AGMO: variants seen among roughly 807,000 people sequenced by gnomAD.
AGMO encodes the protein alkylglycerol monooxygenase.
AGMO carries 75 observed loss-of-function variants against 60.2 expected under a neutral mutation model. The observed-to-expected ratio is 1.25, with a 90% CI of 1.03 to 1.51. The LOEUF (loss-of-function observed/expected upper bound fraction) is 1.51, where lower values mean the gene tolerates loss of function less well. Ranked by LOEUF, AGMO falls within the 40% of genes most tolerant of loss-of-function variation. The pLI, the probability that AGMO is intolerant of heterozygous loss-of-function variation, is 0.00. For synonymous variants in AGMO, 261 were observed against 177.1 expected, an observed-to-expected ratio of 1.47 and a Z score of -3.76; for missense variants, 763 against 525.5, an observed-to-expected ratio of 1.45 and a Z score of -4.42.
chr7:15,222,402 T>G (rs1414732018), intron 12 of AGMO, among the ~76,000 whole-genome samples: 2 of 152,032 alleles, frequency 1.3e-5, no homozygotes, highest in African/African-American at 2.4e-5. Flanking sequence ...AAAATAAAAC[T>G]GATAGAAAAA....
At chr7:15,219,304 A>G (rs982867479) in intron 12 of AGMO, among the ~76,000 whole-genome samples, 1 of 152,180 alleles carries the variant, frequency 6.6e-6, no homozygotes, top group Non-Finnish European at 1.5e-5. Flanking sequence ...ACAATCAAGG[A>G]AAGTGGCAGA....
intron 5 of AGMO, among the ~76,000 whole-genome samples, chr7:15,406,546 C>T (rs1784698624): frequency 1.1e-5 from 1 of 91,428 alleles, no homozygotes; most frequent in African/African-American, 4.2e-5. Context: ...TCAAAAGGCC[C>T]CTTTGTTTGG....
chr7:15,301,667 A>G (rs1192171057), intron 12 of AGMO, among the ~76,000 whole-genome samples: 3 of 152,218 alleles, frequency 2.0e-5, no homozygotes, highest in Admixed American at 2.0e-4. Context: ...CGATACTTTT[A>G]GAGGATAATA....
At chr7:15,475,145 G>C (rs1782560442) in intron 3 of AGMO, among the ~76,000 whole-genome samples, 1 of 152,070 alleles carries the variant, frequency 6.6e-6, no homozygotes, top group Non-Finnish European at 1.5e-5. Context: ...AATTCCTCAA[G>C]GATCTAGAAC....
chr7:15,194,878 C>T, the AGMO span, among the ~76,000 whole-genome samples: 1 of 152,040 alleles, frequency 6.6e-6, no homozygotes, highest in African/African-American at 2.4e-5. Flanking sequence ...CTTTAGGCTC[C>T]GATTGTCTCA....
chr7:15,410,584 AT>A (rs1258550399), intron 5 of AGMO, among the ~76,000 whole-genome samples: 2 of 151,976 alleles, frequency 1.3e-5, no homozygotes, highest in Non-Finnish European at 2.9e-5. Flanking sequence ...CACAAAATGT[AT>A]GTGAATAATC....
chr7:15,197,281 C>T (rs915954314), downstream of AGMO, among the ~76,000 whole-genome samples: 2 of 152,084 alleles, frequency 1.3e-5, no homozygotes, highest in Non-Finnish European at 2.9e-5. Flanking sequence ...TATTACTGTA[C>T]ACTATAATGT....
the AGMO span, among the ~76,000 whole-genome samples, chr7:15,189,909 T>C: frequency 6.6e-6 from 1 of 151,300 alleles, no homozygotes; most frequent in African/African-American, 2.4e-5. Context: ...TATTTCATAA[T>C]AAAGTTAAAA....
Position 15,287,878 on chromosome 7 carries a change from A to T in AGMO, c.1263+77636T>A, listed in dbSNP as rs563889237. ...TTTCTCCAGAATTCTAACCTTTTCAATTACTGGCATTTTGAGTCAATCAAC... is the reference window on the plus strand; with the variant it reads ...TTTCTCCAGAATTCTAACCTTTTCATTTACTGGCATTTTGAGTCAATCAAC... On this transcript the variant is annotated intron_variant, in intron 12 of 12. Transcript: ENST00000342526. 1.4e-3 allele frequency among the ~76,000 whole-genome samples: 211 copies of T among 152,262 alleles called. 1 individual carries two copies. The highest frequency in any genetic ancestry group is 5.0e-3 in the African/African-American group (207 of 41,544).
At chr7:15,304,327 C>A (rs1215846875) in intron 12 of AGMO, among the ~76,000 whole-genome samples, 1 of 152,090 alleles carries the variant, frequency 6.6e-6, no homozygotes, top group Non-Finnish European at 1.5e-5. Flanking sequence ...CTCCACAGAG[C>A]CCCATTATTT....
chr7:15,375,490 G>A (rs571788021), intron 10 of AGMO, among the ~76,000 whole-genome samples: 3 of 146,482 alleles, frequency 2.0e-5, no homozygotes, highest in Non-Finnish European at 4.5e-5. Context: ...TCTAACTCCT[G>A]GGTTCAAGTG....
At chr7:15,252,815 G>C (rs1424574159) in intron 12 of AGMO, among the ~76,000 whole-genome samples, 1 of 152,144 alleles carries the variant, frequency 6.6e-6, no homozygotes, top group East Asian at 1.9e-4. Flanking sequence ...AGAAAAGAAA[G>C]AATCAGTAAC....
intron 3 of AGMO, among the ~76,000 whole-genome samples, chr7:15,446,860 AG>A (rs1395596028): frequency 6.6e-6 from 1 of 152,154 alleles, no homozygotes; most frequent in Non-Finnish European, 1.5e-5. Flanking sequence ...ACTGCTAGGA[AG>A]TGCAAACTGT....
chr7:15,352,119 C>T (rs2128554176), intron 12 of AGMO, among the ~76,000 whole-genome samples: 1 of 152,226 alleles, frequency 6.6e-6, no homozygotes, highest in Non-Finnish European at 1.5e-5. Context: ...AGCAAGAAGA[C>T]CTCTATTTCC....
chr7:15,268,591 C>T (rs1315762184), intron 12 of AGMO, among the ~76,000 whole-genome samples: 1 of 151,906 alleles, frequency 6.6e-6, no homozygotes, highest in Non-Finnish European at 1.5e-5. Context: ...CTGATTAATA[C>T]TTTGTTTTAA....
intron 12 of AGMO, among the ~76,000 whole-genome samples, chr7:15,338,509 A>C (rs1453569852): frequency 2.6e-5 from 4 of 152,188 alleles, no homozygotes; most frequent in Admixed American, 6.6e-5. Flanking sequence ...ATGTACCTTC[A>C]TGAGTCTTCC....
intron 12 of AGMO, among the ~76,000 whole-genome samples, chr7:15,265,804 G>A (rs1000370715): frequency 6.6e-6 from 1 of 151,980 alleles, no homozygotes; most frequent in East Asian, 1.9e-4. Flanking sequence ...AGAATTGAAA[G>A]CCATGTCTTG....
intron 12 of AGMO, among the ~76,000 whole-genome samples, chr7:15,231,150 A>C (rs1301910091): frequency 1.3e-5 from 2 of 151,910 alleles, no homozygotes; most frequent in African/African-American, 4.8e-5. Context: ...GACTGCCACC[A>C]CTCCCCTGCT....
At chr7:15,528,090 C>G (rs1000948736) in intron 3 of AGMO, among the ~76,000 whole-genome samples, 1 of 152,074 alleles carries the variant, frequency 6.6e-6, no homozygotes, top group Non-Finnish European at 1.5e-5. Context: ...AACTTTCCAG[C>G]CTTACTATTT....
Sources: allele counts gnomAD v4.1 joint callset (sites outside exome capture counted in the v4.1 genomes callset), GRCh38; gene constraint gnomAD v4.1.1; transcripts MANE v1.5; gene names NCBI Gene and HGNC (gene_info 2026-07-23, HGNC 2026-07-21).